Variants in LOXL2 observed in about 807,000 individuals in gnomAD.
LOXL2 encodes the protein lysyl oxidase homolog 2.
In LOXL2, 70 loss-of-function variants were observed where a neutral mutation model predicts 93.0. That is an observed-to-expected ratio of 0.75 (90% CI 0.62 to 0.92). The LOEUF is 0.92. Ranked by LOEUF, LOXL2 falls within the 40% of genes least tolerant of loss-of-function variation. The probability of loss-of-function intolerance (pLI) is 0.00; values close to 1 mark genes in which losing one functional copy is unlikely to be tolerated. For synonymous variants in LOXL2, 438 were observed against 413.2 expected, an observed-to-expected ratio of 1.06 and a Z score of -0.73; for missense variants, 973 against 1,054.9, an observed-to-expected ratio of 0.92 and a Z score of 1.08.
intron 1 of LOXL2, among the ~76,000 whole-genome samples, chr8:23,394,523 A>G (rs895916367): frequency 6.6e-6 from 1 of 152,186 alleles, no homozygotes; most frequent in African/African-American, 2.4e-5. Context: ...ATCACTCGTC[A>G]TCAAGCAAAC....
intron 10 of LOXL2, among the ~76,000 whole-genome samples, chr8:23,305,712 C>G (rs1803219364): frequency 6.6e-6 from 1 of 152,114 alleles, no homozygotes; most frequent in Non-Finnish European, 1.5e-5. Context: ...ATCCAGAACG[C>G]TAAGGGGAGA....
At chr8:23,329,426 G>A (rs1441132345) in intron 5 of LOXL2, among the ~76,000 whole-genome samples, 1 of 152,220 alleles carries the variant, frequency 6.6e-6, no homozygotes, top group African/African-American at 2.4e-5. Flanking sequence ...TTAGACAGGA[G>A]TAAGACTCTC....
chr8:23,343,401 C>T (rs950997643), intron 3 of LOXL2, among the ~76,000 whole-genome samples: 13 of 152,310 alleles, frequency 8.5e-5, no homozygotes, highest in African/African-American at 2.4e-4. Context: ...AGGGCCACCC[C>T]GAGGTGCAGT....
At chr8:23,304,646 C>T (rs756162808) in intron 10 of LOXL2, among the ~76,000 whole-genome samples, 5 of 152,168 alleles carry the variant, frequency 3.3e-5, no homozygotes, top group African/African-American at 9.7e-5. Context: ...ATAAGATGAA[C>T]GGCGTCAAAT....
rs1283949120 is a variant in LOXL2, at chr8:23,307,034, G to A, written c.1880+2634C>T. Among the ~76,000 whole-genome samples the A allele has an allele frequency of 5.9e-5, 9 of 152,336 alleles. No individual in the cohort carries two copies. In the East Asian group the frequency reaches 7.7e-4, roughly 13 times the overall value. On this transcript the variant is annotated intron_variant, in intron 10 of 13. Transcript: ENST00000389131. ...ACAGAGCTCTCTTCCCCGAGGTAGC[G>A]TCAATTAAACTGGAAATGGCATTTT...
At chr8:23,386,042 T>C in intron 1 of LOXL2, 2 of 765,138 alleles carry the variant, frequency 2.6e-6, no homozygotes, top group South Asian at 2.7e-5. Flanking sequence ...GCATCCCTAT[T>C]TTCCTAAGGA....
At chr8:23,346,151 TAAAA>T (rs1449446031) in intron 3 of LOXL2, among the ~76,000 whole-genome samples, 7 of 103,722 alleles carry the variant, frequency 6.7e-5, no homozygotes, top group Non-Finnish European at 1.3e-4. Flanking sequence ...ATAAATAAAA[TAAAA>T]TAAAAAATAA....
intron 11 of LOXL2, among the ~76,000 whole-genome samples, chr8:23,302,886 T>C (rs1031731198): frequency 1.3e-5 from 2 of 151,956 alleles, no homozygotes; most frequent in South Asian, 2.1e-4. Flanking sequence ...TGAGATATAA[T>C]TGAAGGGTGA....
At chr8:23,395,626 A>G (rs999312201) in intron 1 of LOXL2, among the ~76,000 whole-genome samples, 1 of 152,212 alleles carries the variant, frequency 6.6e-6, no homozygotes, top group African/African-American at 2.4e-5. Flanking sequence ...ATGACACTTG[A>G]AAGTGTCATG....
intron 1 of LOXL2, among the ~76,000 whole-genome samples, chr8:23,387,440 CCACT>C (rs975439371): frequency 8.5e-5 from 13 of 152,250 alleles, no homozygotes; most frequent in African/African-American, 3.1e-4. Flanking sequence ...ATGCAGGGGC[CCACT>C]CAGACAGCCC....
Position 23,297,734 on chromosome 8 carries a change from A to ATT in LOXL2, c.*308_*309insAA. On this transcript the variant is annotated 3_prime_UTR_variant, in exon 14 of 14. Transcript: ENST00000389131. The stretch of plus-strand genomic sequence containing the variant: ...GTGAGCTCGGTGGCTTGAATGGGAC[A>ATT]AGCTGATGACAACCTGTCTGTGGGC... 1.3e-5 allele frequency: 3 copies of ATT among 237,228 alleles called. No individual in the cohort carries two copies. The highest frequency in any genetic ancestry group is 1.0e-4 in the South Asian group (1 of 9,546). 14.7% of individuals were successfully genotyped at this position (237,228 alleles called of 1,614,324 possible).
intron 3 of LOXL2, among the ~76,000 whole-genome samples, chr8:23,348,261 TG>T (rs369269603): frequency 0.043 from 617 of 14,236 alleles, 35 homozygotes; most frequent in East Asian, 0.42. Context: ...TGTCGTGGGG[TG>T]GGGGGAGGGG....
intron 1 of LOXL2, among the ~76,000 whole-genome samples, chr8:23,401,604 C>G (rs567779613): frequency 5.8e-4 from 56 of 96,364 alleles, no homozygotes; most frequent in African/African-American, 1.7e-3. Context: ...TTATACCCTT[C>G]TCTCTACTTT....
At chr8:23,390,636 GT>G (rs1163014807) in intron 1 of LOXL2, among the ~76,000 whole-genome samples, 12 of 152,356 alleles carry the variant, frequency 7.9e-5, no homozygotes, top group African/African-American at 2.9e-4. Flanking sequence ...TGAAGGTACA[GT>G]TTCAAAGACT....
chr8:23,317,779 T>C (rs1002376612), intron 8 of LOXL2, among the ~76,000 whole-genome samples: 2 of 152,142 alleles, frequency 1.3e-5, no homozygotes, highest in Non-Finnish European at 2.9e-5. Flanking sequence ...CAGAGAAGTT[T>C]CCAGCAGAGA....
chr8:23,345,807 G>A (rs1193725687), intron 3 of LOXL2, among the ~76,000 whole-genome samples: 1 of 152,076 alleles, frequency 6.6e-6, no homozygotes, highest in Non-Finnish European at 1.5e-5. Context: ...AGTGGCTCAC[G>A]CCTGTAATCC....
chr8:23,299,033 C>T (rs1192508634), intron 12 of LOXL2, 86 bp from the exon 13 acceptor site: 2 of 800,284 alleles, frequency 2.5e-6, no homozygotes, highest in East Asian at 2.5e-5. Flanking sequence ...ACCAGCACCT[C>T]AGGGAAGGGG....
At chr8:23,345,731 T>C (rs1009280697) in intron 3 of LOXL2, among the ~76,000 whole-genome samples, 4 of 151,818 alleles carry the variant, frequency 2.6e-5, no homozygotes, top group African/African-American at 9.7e-5. Context: ...ACACACACTT[T>C]TTTTTCTTTT....
chr8:23,372,320 C>T (rs1039601174), intron 1 of LOXL2, among the ~76,000 whole-genome samples: 8 of 151,650 alleles, frequency 5.3e-5, no homozygotes, highest in Admixed American at 2.0e-4. Context: ...TGGGTTCAAG[C>T]GATTCTCCTG....
Sources: allele counts gnomAD v4.1 joint callset (sites outside exome capture counted in the v4.1 genomes callset), GRCh38; gene constraint gnomAD v4.1.1; transcripts MANE v1.5; gene names NCBI Gene and HGNC (gene_info 2026-07-23, HGNC 2026-07-21).